The following ZFHX3 variants were observed in gnomAD, a reference collection of about 807,000 sequenced individuals.
ZFHX3 encodes the protein zinc finger homeobox protein 3.
Under a neutral mutation model 279.1 loss-of-function variants are expected in ZFHX3, and 42 were observed. The observed-to-expected ratio is 0.15, with a 90% CI of 0.12 to 0.19. ZFHX3 has a LOEUF of 0.19. Ranked by LOEUF, ZFHX3 falls within the 10% of genes least tolerant of loss-of-function variation. The probability of loss-of-function intolerance (pLI) is 1.00; values close to 1 mark genes in which losing one functional copy is unlikely to be tolerated. For missense variants in ZFHX3, 4,981 were observed against 4,754.0 expected, an observed-to-expected ratio of 1.05 and a Z score of -1.40; for synonymous variants, 2,293 against 1,957.8, an observed-to-expected ratio of 1.17 and a Z score of -4.52.
At chr16:72,855,021 A>G (rs1443596120) in intron 4 of ZFHX3, among the ~76,000 whole-genome samples, 4 of 152,100 alleles carry the variant, frequency 2.6e-5, no homozygotes, top group African/African-American at 9.7e-5. Context: ...ATGGGGAGAT[A>G]GCAAAATACT....
At chr16:73,363,870 T>G (rs2016479419) in intron 3 of ZFHX3, among the ~76,000 whole-genome samples, 1 of 152,148 alleles carries the variant, frequency 6.6e-6, no homozygotes, top group African/African-American at 2.4e-5. Context: ...AATTTCATGT[T>G]AGAACTGTAG....
In ZFHX3 at chr16:72,797,666, G is replaced by T; in HGVS notation, c.5016C>A (p.Gly1672=). Reference sequence around the variant, plus strand: ...TTAGTAAGTTAGAGCTTGGAGCAATGCCAGCACTGCTTGGATTGGAGGTGG... The same window carrying T: ...TTAGTAAGTTAGAGCTTGGAGCAATTCCAGCACTGCTTGGATTGGAGGTGG... ...TFTTSNPSSA[G]IAPSSNLLSQ... Residue 1672 remains glycine (G), a synonymous_variant, in exon 9 of 10, where the codon GGC becomes GGA. Transcript: ENST00000268489. 6.2e-7 allele frequency: 1 copy of T among 1,614,156 alleles called. No individual in the cohort carries two copies. The highest frequency in any genetic ancestry group is 8.5e-7 in the Non-Finnish European group (1 of 1,180,046).
intron 5 of ZFHX3, among the ~76,000 whole-genome samples, chr16:72,826,970 A>G (rs2036948331): frequency 6.6e-6 from 1 of 152,196 alleles, no homozygotes; most frequent in Admixed American, 6.5e-5. Flanking sequence ...ATTTAATTGA[A>G]CTGCTCTCAA....
chr16:73,371,499 T>TA (rs1411211120), intron 3 of ZFHX3, among the ~76,000 whole-genome samples: 1 of 151,122 alleles, frequency 6.6e-6, no homozygotes, highest in South Asian at 2.1e-4. Flanking sequence ...ATTTTACAGG[T>TA]AAAAAAACCG....
intron 1 of ZFHX3, among the ~76,000 whole-genome samples, chr16:73,865,945 A>C (rs1409312696): frequency 6.6e-6 from 1 of 152,078 alleles, no homozygotes; most frequent in Non-Finnish European, 1.5e-5. Context: ...AGATCGCACC[A>C]CTGCACTCCA....
chr16:73,371,978 T>G (rs1294757891), intron 3 of ZFHX3, among the ~76,000 whole-genome samples: 1 of 152,226 alleles, frequency 6.6e-6, no homozygotes, highest in African/African-American at 2.4e-5. Context: ...TGCGTTCACA[T>G]GCACATGTCA....
chr16:73,883,619 G>A (rs1465639703), intron 1 of ZFHX3, among the ~76,000 whole-genome samples: 1 of 151,912 alleles, frequency 6.6e-6, no homozygotes, highest in African/African-American at 2.4e-5. Context: ...GAAAGGCGCG[G>A]TAAAAATCAC....
intron 2 of ZFHX3, among the ~76,000 whole-genome samples, chr16:73,577,792 T>C (rs2051816138): frequency 6.6e-6 from 1 of 152,248 alleles, no homozygotes; most frequent in South Asian, 2.1e-4. Context: ...TGTTCCGCCA[T>C]AGTTTTATAG....
intron 1 of ZFHX3, among the ~76,000 whole-genome samples, chr16:73,058,195 C>T (rs1965606086): frequency 6.9e-6 from 1 of 144,042 alleles, no homozygotes; most frequent in South Asian, 2.1e-4. Flanking sequence ...CGCCGGCGGC[C>T]GGCGGCGGCG....
At chr16:73,697,918 C>T (rs1347863306) in intron 1 of ZFHX3, among the ~76,000 whole-genome samples, 2 of 152,030 alleles carry the variant, frequency 1.3e-5, no homozygotes, top group African/African-American at 4.8e-5. Flanking sequence ...ACACCTAGAG[C>T]CCACCCAGAT....
chr16:72,932,252 G>C (rs553381130), intron 3 of ZFHX3, among the ~76,000 whole-genome samples: 3 of 152,202 alleles, frequency 2.0e-5, no homozygotes, highest in Admixed American at 2.0e-4. Context: ...AAACCTCCCA[G>C]GTTATGTGGG....
chr16:73,818,894 A>C (rs1289296211), intron 1 of ZFHX3, among the ~76,000 whole-genome samples: 2 of 152,144 alleles, frequency 1.3e-5, no homozygotes, highest in Non-Finnish European at 2.9e-5. Context: ...CCACACAAAC[A>C]ATGACTTAGA....
intron 2 of ZFHX3, among the ~76,000 whole-genome samples, chr16:73,555,841 A>G (rs1331498747): frequency 2.0e-5 from 3 of 152,044 alleles, no homozygotes; most frequent in East Asian, 1.9e-4. Flanking sequence ...TCAAAAAAAA[A>G]AAAAGAAAAG....
intron 4 of ZFHX3, among the ~76,000 whole-genome samples, chr16:72,853,141 T>C (rs1468043621): frequency 1.3e-5 from 2 of 152,350 alleles, no homozygotes; most frequent in South Asian, 2.1e-4. Context: ...AGGGCCACCA[T>C]GCTAAGGCTC....
intron 8 of ZFHX3, among the ~76,000 whole-genome samples, chr16:73,082,345 G>A (rs1965958102): frequency 2.0e-5 from 3 of 151,974 alleles, no homozygotes; most frequent in Admixed American, 2.0e-4. Flanking sequence ...TTGGCTCACT[G>A]CAAGCTCCGC....
chr16:72,971,555 C>T (rs1386941082), intron 1 of ZFHX3, among the ~76,000 whole-genome samples: 2 of 152,174 alleles, frequency 1.3e-5, no homozygotes, highest in African/African-American at 2.4e-5. Flanking sequence ...TAGGCTCTTA[C>T]TCATGACGTT....
intron 2 of ZFHX3, among the ~76,000 whole-genome samples, chr16:73,514,823 T>TA (rs2019492201): frequency 1.3e-5 from 2 of 152,130 alleles, no homozygotes; most frequent in South Asian, 4.1e-4. Context: ...GTAAGGTTGT[T>TA]ACGAGTGAAT....
intron 5 of ZFHX3, among the ~76,000 whole-genome samples, chr16:73,187,900 C>T (rs1010950933): frequency 2.6e-5 from 4 of 152,222 alleles, no homozygotes; most frequent in African/African-American, 9.6e-5. Flanking sequence ...GCTCTGTCGC[C>T]CAGGCTGGAG....
intron 1 of ZFHX3, among the ~76,000 whole-genome samples, chr16:73,751,914 C>T (rs1490577387): frequency 6.6e-6 from 1 of 152,178 alleles, no homozygotes; most frequent in Non-Finnish European, 1.5e-5. Context: ...AAAGAATCTA[C>T]AGCCTGGTCT....
Sources: allele counts gnomAD v4.1 joint callset (sites outside exome capture counted in the v4.1 genomes callset), GRCh38; gene constraint gnomAD v4.1.1; transcripts MANE v1.5; gene names NCBI Gene and HGNC (gene_info 2026-07-23, HGNC 2026-07-21).